TRRAP: variants seen among roughly 807,000 people sequenced by gnomAD.
TRRAP encodes the protein transformation/transcription domain-associated protein.
In TRRAP, 41 loss-of-function variants were observed where a neutral mutation model predicts 438.8. That is an observed-to-expected ratio of 0.09 (90% CI 0.07 to 0.12). The LOEUF (loss-of-function observed/expected upper bound fraction) is 0.12. Among genes scored for constraint, TRRAP ranks in the 10% least tolerant of loss-of-function variants. The probability of loss-of-function intolerance (pLI) is 1.00; values close to 1 mark genes in which losing one functional copy is unlikely to be tolerated. For missense variants in TRRAP, 3,122 were observed against 5,055.1 expected (o/e 0.62, Z 11.60); for synonymous variants, 1,994 against 1,962.9 (o/e 1.02, Z -0.42).
Position 98,930,783 on chromosome 7 carries a change from A to G in TRRAP, c.3544A>G (p.Thr1182Ala). The G allele has an allele frequency of 1.9e-6, 3 of 1,614,216 alleles. No individual in the cohort carries two copies. Among genetic ancestry groups the G allele is most frequent in the East Asian group, 2.2e-5 (1 of 44,886 alleles). The change falls in exon 25 of 73, where the codon ACA (threonine) becomes GCA (alanine). Residue 1182 changes from threonine to alanine, a missense_variant. By Grantham distance (58) the Thr-to-Ala change is moderately conservative. Around this residue, in one of 24 missense-constraint regions of TRRAP, gnomAD observed 153 missense variants for 223.0 expected, o/e 0.69. Coordinates refer to ENST00000456197, the MANE Select transcript of TRRAP (RefSeq NM_001375524.1). ...PLTWVLQNQQ[T>A]FLKALLFVMM... ...CACTTGGGTTCTCCAGAACCAGCAG[A>G]CATTCCTGAAAGCACTTCTCTTTGT...
chr7:98,964,314 A>T (rs1360266942), intron 47 of TRRAP, among the ~76,000 whole-genome samples: 4 of 152,058 alleles, frequency 2.6e-5, no homozygotes, highest in Non-Finnish European at 4.4e-5. Flanking sequence ...TCCCAAACCT[A>T]TTATAGGAGT....
intron 14 of TRRAP, among the ~76,000 whole-genome samples, chr7:98,909,298 A>G (rs181331843): frequency 5.9e-4 from 90 of 152,264 alleles, no homozygotes; most frequent in Admixed American, 3.5e-3. Context: ...TGCTGGGATT[A>G]CAGGCGTGAG....
chr7:98,950,238 C>T lies in TRRAP; in HGVS notation c.5310C>T (p.Asn1770=). The T allele has an allele frequency of 6.2e-7, 1 of 1,614,226 alleles. No individual in the cohort carries two copies. Among genetic ancestry groups the T allele is most frequent in the Non-Finnish European group, 8.5e-7 (1 of 1,180,046 alleles). The change falls in exon 38 of 73, where the codon AAC becomes AAT. Residue 1770 remains asparagine (N), a synonymous_variant. Coordinates refer to ENST00000456197, the MANE Select transcript of TRRAP (RefSeq NM_001375524.1). The part of the protein sequence containing the change: ...FFRFVDFNDP[N]FGDELKAKVL... ...GCTTTGTAGACTTCAACGACCCCAA[C>T]TTCGGAGATGAATTAAAAGCTAAAG...
Position 99,005,055 on chromosome 7 carries a change from A to G in TRRAP, c.10536-76A>G. ...TCCGTTTTCCCGTGACAGTTCGGAC[A>G]TTCCTAGCTTCTTCTCAAGACAAGG... is the stretch of plus-strand genomic sequence containing the variant. On this transcript the variant is annotated intron_variant, in intron 68 of 72. Coordinates refer to ENST00000456197, the MANE Select transcript of TRRAP (RefSeq NM_001375524.1). The surrounding 1 kb of genome is among the most constrained non-coding windows in gnomAD (Gnocchi z 5.1). 4.0e-6 allele frequency: 6 copies of G among 1,483,562 alleles called. No individual in the cohort carries two copies. The highest frequency in any genetic ancestry group is 5.6e-6 in the Non-Finnish European group (6 of 1,071,520). The allele number at this position is 1,483,562 out of a possible 1,614,324, so 91.9% of individuals were successfully genotyped here.
Position 99,011,443 on chromosome 7 carries a change from A to G in TRRAP, c.11245A>G (p.Ile3749Val). 2 of 1,614,190 alleles carry G rather than the reference A, an allele frequency of 1.2e-6. No individual in the cohort carries two copies. The highest frequency in any genetic ancestry group is 1.1e-5 in the South Asian group (1 of 91,082). Residue 3749 changes from isoleucine (I) to valine (V), a missense_variant, in exon 72 of 73, where the codon ATT (isoleucine) becomes GTT (valine). By Grantham distance (29) the Ile-to-Val change is conservative. Transcript: ENST00000456197. The surrounding 1 kb of genome is among the most constrained non-coding windows in gnomAD (Gnocchi z 7.1). Reference protein sequence around the residue: ...RPVPFRLTPNISEFLTTIGVS... With the variant: ...RPVPFRLTPNVSEFLTTIGVS... ...TGTCCCATTTCGACTCACGCCCAAC[A>G]TTTCTGAGTTTCTGACCACCATCGG...
chr7:99,001,976 A>C (rs143286926), intron 67 of TRRAP, among the ~76,000 whole-genome samples: 1 of 152,228 alleles, frequency 6.6e-6, no homozygotes, highest in Non-Finnish European at 1.5e-5. Flanking sequence ...ATTGATACAC[A>C]GTAACGTGGG....
Position 98,956,164 on chromosome 7 carries a change from C to T in TRRAP, c.5956C>T (p.His1986Tyr), listed in dbSNP as rs1791596233. 6.2e-7 allele frequency: 1 copy of T among 1,612,088 alleles called. No individual in the cohort carries two copies. Among genetic ancestry groups the T allele is most frequent in the African/African-American group, 1.3e-5 (1 of 74,872 alleles). The change falls in exon 42 of 73, where the codon CAC (histidine) becomes TAC (tyrosine). Residue 1986 changes from histidine (H) to tyrosine (Y), a missense_variant. This residue lies in a region of TRRAP where 992 missense variants were observed against 1,281.2 expected (regional missense o/e 0.77). Transcript: ENST00000456197. The surrounding 1 kb of genome is among the most constrained non-coding windows in gnomAD (Gnocchi z 4.5). ...QHFKVYYPVR[H>Y]HLVQHMVSAM... ...TCCGCAGGTGTACTACCCGGTACGGCACCACTTGGTGCAGCACATGGTGAG... is the reference window on the plus strand; with the variant it reads ...TCCGCAGGTGTACTACCCGGTACGGTACCACTTGGTGCAGCACATGGTGAG...
intron 27 of TRRAP, 32 bp from the exon 28 acceptor site, chr7:98,935,547 T>C (rs1647394761): frequency 6.4e-7 from 1 of 1,574,378 alleles, no homozygotes; most frequent in Admixed American, 1.7e-5. Context: ...ACAGGAAGAG[T>C]GGGCTAAATG....
At chr7:98,887,933 G>A (rs1164716906) in intron 3 of TRRAP, among the ~76,000 whole-genome samples, 3 of 152,004 alleles carry the variant, frequency 2.0e-5, no homozygotes, top group African/African-American at 7.2e-5. Flanking sequence ...ACTCCTGATA[G>A]TAAAAGTTGA....
At position 98,891,215 on chromosome 7, in the gene TRRAP, T is replaced by A. The variant is rs1186488807; in HGVS notation, c.261+770T>A. On this transcript the variant is annotated intron_variant, in intron 4 of 72. Transcript: ENST00000456197. ...TCCATATATATATATTTTTTTTTTT[T>A]TTTTTTTTTTTTGGGAGACGGAGTC... 1.7e-3 allele frequency among the ~76,000 whole-genome samples: 67 copies of A among 40,150 alleles called. No individual in the cohort carries two copies. In the East Asian group the frequency reaches 0.042, roughly 25 times the overall value. 26.3% of individuals were successfully genotyped at this position (40,150 alleles called of 152,430 possible).
Position 98,910,503 on chromosome 7 carries a change from T to G in TRRAP, c.1715-7T>G. 3 of 1,614,020 alleles carry G rather than the reference T, an allele frequency of 1.9e-6. No individual in the cohort carries two copies. Among genetic ancestry groups the G allele is most frequent in the Non-Finnish European group, 2.5e-6 (3 of 1,180,022 alleles). Reference sequence around the variant, plus strand: ...CAAGTTAACTTAATATACTTTCTCTTTTCCAGAAGCTCAGTTCATTCCCAA... The same window carrying G: ...CAAGTTAACTTAATATACTTTCTCTGTTCCAGAAGCTCAGTTCATTCCCAA... On this transcript the variant is annotated splice_polypyrimidine_tract_variant and splice_region_variant and intron_variant, in intron 15 of 72. Coordinates refer to ENST00000456197, the MANE Select transcript of TRRAP (RefSeq NM_001375524.1).
chr7:98,952,588 A>G (rs1791390067), intron 39 of TRRAP, among the ~76,000 whole-genome samples: 1 of 152,202 alleles, frequency 6.6e-6, no homozygotes, highest in Non-Finnish European at 1.5e-5. Context: ...CAATTTAGAA[A>G]TTTATTTTGC....
Position 98,948,595 on chromosome 7 carries a change from C to T in TRRAP, c.4698C>T (p.Ile1566=), listed in dbSNP as rs1791191049. ...GGAGTCCATTCCGAGAGCCCCTGAT[C>T]AAGTTCCTGACTCGACATCCCTCGC... is the stretch of plus-strand genomic sequence containing the variant. ...EAGSPFREPL[I]KFLTRHPSQT... is the part of the protein sequence containing the mutation. The change falls in exon 35 of 73, where the codon ATC becomes ATT. Residue 1566 remains isoleucine, a synonymous_variant. Coordinates refer to ENST00000456197, the MANE Select transcript of TRRAP (RefSeq NM_001375524.1). This position sits in a 1 kb window ranked among gnomAD's most constrained non-coding sequence, Gnocchi z 4.9. The T allele has an allele frequency of 6.2e-7, 1 of 1,614,158 alleles. No individual in the cohort carries two copies. Among genetic ancestry groups the T allele is most frequent in the Non-Finnish European group, 8.5e-7 (1 of 1,180,036 alleles).
chr7:98,914,148 A>G (rs1554409217), intron 18 of TRRAP, among the ~76,000 whole-genome samples: 1 of 152,124 alleles, frequency 6.6e-6, no homozygotes, highest in African/African-American at 2.4e-5. Context: ...TAATTCTAGC[A>G]CTTCCGGAGG....
intron 70 of TRRAP, among the ~76,000 whole-genome samples, chr7:99,009,262 C>T (rs930469727): frequency 1.3e-5 from 2 of 152,022 alleles, no homozygotes; most frequent in Admixed American, 6.5e-5. Flanking sequence ...TCCCTGGGTG[C>T]CCCGTGGTCC....
rs777322172 is a variant in TRRAP at position 98,983,532 on chromosome 7, G to C, written c.9022+73G>C. On this transcript the variant is annotated intron_variant, in intron 60 of 72. Transcript: ENST00000456197. ...GCCCCACGGTTCTGGTTTCGTCTCT[G>C]TGTTTTGGTTTGGTTTGGTTTGGTT... 7 of 1,562,202 alleles carry C rather than the reference G, an allele frequency of 4.5e-6. No individual in the cohort carries two copies. In the African/African-American group the frequency reaches 6.8e-5, roughly 15 times the overall value.
chr7:98,993,407 G>A, intron 65 of TRRAP, 131 bp from the exon 66 acceptor site: 9 of 973,676 alleles, frequency 9.2e-6, no homozygotes, highest in Admixed American at 2.5e-5. Flanking sequence ...CAGTCCTTGG[G>A]GAAGCGGTCT....
chr7:98,938,294 G>A lies in TRRAP; in HGVS notation c.4404+474G>A, dbSNP rs562140706. ...GCAAAGGTTGCAGTGAGCCGAGATG[G>A]CATCACTGCACCCCAGTCTGGGTGA... On this transcript the variant is annotated intron_variant, in intron 30 of 72. Transcript: ENST00000456197. 1.3e-3 allele frequency among the ~76,000 whole-genome samples: 197 copies of A among 152,238 alleles called. 1 individual carries two copies. Among genetic ancestry groups the A allele is most frequent in the African/African-American group, 4.6e-3 (192 of 41,530 alleles).
At position 99,012,298 on chromosome 7, in the gene TRRAP, G is replaced by A. The variant is rs141162046; in HGVS notation, c.11565G>A (p.Ala3855=). 1.4e-4 allele frequency: 233 copies of A among 1,612,576 alleles called. No individual in the cohort carries two copies. The highest frequency in any genetic ancestry group is 2.1e-4 in the African/African-American group (16 of 75,010). Residue 3855 remains alanine (A), a synonymous_variant, in exon 73 of 73, where the codon GCG becomes GCA. Coordinates refer to ENST00000456197, the MANE Select transcript of TRRAP (RefSeq NM_001375524.1). The surrounding 1 kb of genome is among the most constrained non-coding windows in gnomAD (Gnocchi z 5.9). ...GCAAGGTGAACACCCTGGTGGCCGC[G>A]GCAAACAGCCTGGACAATCTGTGCC... is the stretch of plus-strand genomic sequence containing the variant. ...GESKVNTLVA[A]ANSLDNLCRM...
Sources: gnomAD v4.1 joint callset for allele counts (sites outside exome capture counted in the v4.1 genomes callset) on GRCh38, gnomAD v4.1.1 for gene constraint, gnomAD v4.1.1 regional missense constraint, Gnocchi (gnomAD v3.1) non-coding constraint, MANE v1.5 for transcripts, NCBI Gene and HGNC (gene_info 2026-07-23, HGNC 2026-07-21) for gene names.